The following BICD1 variants were observed in gnomAD, a reference collection of about 807,000 sequenced individuals.
BICD1 encodes protein bicaudal D homolog 1.
A neutral mutation model predicts 92.5 loss-of-function variants in BICD1; 35 were observed. That is an observed-to-expected ratio of 0.38 (90% CI 0.29 to 0.50). The LOEUF (loss-of-function observed/expected upper bound fraction) is 0.50. BICD1 is among the 20% of genes least tolerant of loss of function. BICD1 has a pLI of 0.93. For missense variants in BICD1, 950 were observed against 1,189.8 expected, an observed-to-expected ratio of 0.80 and a Z score of 2.97; for synonymous variants, 429 against 465.1, an observed-to-expected ratio of 0.92 and a Z score of 1.00.
intron 1 of BICD1, among the ~76,000 whole-genome samples, chr12:32,123,791 A>C (rs1716937): frequency 0.85 from 129,238 of 151,936 alleles, 55,196 homozygotes; most frequent in African/African-American, 0.93. Flanking sequence ...CCAGGAGAAT[A>C]GCTTGAACCT....
chr12:32,319,211 T>C (rs746072681), intron 4 of BICD1, among the ~76,000 whole-genome samples: 13 of 152,204 alleles, frequency 8.5e-5, no homozygotes, highest in Non-Finnish European at 1.6e-4. Context: ...GCCATCCTTG[T>C]TTTGCTCTGG....
chr12:32,201,829 G>A (rs908829741), intron 1 of BICD1, among the ~76,000 whole-genome samples: 2 of 150,500 alleles, frequency 1.3e-5, no homozygotes, highest in Admixed American at 6.6e-5. Flanking sequence ...AATTTATTTC[G>A]GGTTATAATA....
intron 8 of BICD1, among the ~76,000 whole-genome samples, chr12:32,343,926 A>G (rs982877439): frequency 2.0e-5 from 3 of 152,234 alleles, no homozygotes; most frequent in Admixed American, 6.5e-5. Context: ...TGTTTCACGT[A>G]TTGCAAAGCC....
At chr12:32,168,476 G>A (rs1414613951) in intron 1 of BICD1, among the ~76,000 whole-genome samples, 1 of 151,906 alleles carries the variant, frequency 6.6e-6, no homozygotes, top group Non-Finnish European at 1.5e-5. Flanking sequence ...AAAAGGATGG[G>A]AGGGTGGGGT....
At chr12:32,339,999 C>T (rs903611775) in intron 8 of BICD1, 3 of 870,736 alleles carry the variant, frequency 3.4e-6, no homozygotes, top group South Asian at 1.1e-4. Flanking sequence ...AGTCACCACT[C>T]CTCCTTATTA....
chr12:32,127,719 CG>C (rs1565533766), intron 1 of BICD1, among the ~76,000 whole-genome samples: 3 of 136,860 alleles, frequency 2.2e-5, no homozygotes. Flanking sequence ...CAAGTGTGAA[CG>C]AAGGCAGATC....
At chr12:32,244,225 A>G (rs2136088640) in intron 2 of BICD1, among the ~76,000 whole-genome samples, 1 of 152,322 alleles carries the variant, frequency 6.6e-6, no homozygotes, top group African/African-American at 2.4e-5. Context: ...CCTAGGCCTA[A>G]AACGTTCCAA....
intron 1 of BICD1, among the ~76,000 whole-genome samples, chr12:32,178,201 A>T (rs902170553): frequency 6.6e-6 from 1 of 151,936 alleles, no homozygotes; most frequent in Admixed American, 6.6e-5. Flanking sequence ...ATCCCTCAAG[A>T]TTCTATTTGT....
At chr12:32,126,061 A>T (rs571197814) in intron 1 of BICD1, among the ~76,000 whole-genome samples, 3 of 151,538 alleles carry the variant, frequency 2.0e-5, no homozygotes, top group South Asian at 2.1e-4. Flanking sequence ...AAAAAAAAAA[A>T]AAAAAAAAGC....
chr12:32,116,698 T>A (rs1428658515), intron 1 of BICD1, among the ~76,000 whole-genome samples: 1 of 131,486 alleles, frequency 7.6e-6, no homozygotes. Context: ...TTTTTTTTTT[T>A]AACCTGATTT....
In BICD1 at chr12:32,337,851, T is replaced by A. The variant is rs200543194; in HGVS notation, c.2570+35T>A. On this transcript the variant is annotated intron_variant, in intron 7 of 9. Coordinates refer to ENST00000652176, the MANE Select transcript of BICD1 (RefSeq NM_001714.4). The surrounding 1 kb of genome is among the most constrained non-coding windows in gnomAD (Gnocchi z 4.7). ...CAGCGATCTTCATAGTACGGTGCAG[T>A]GGCCAGATTTTAGTTAACTGCAAAA... is the stretch of plus-strand genomic sequence containing the variant. The A allele has an allele frequency of 8.4e-4, 1,333 of 1,592,900 alleles. No individual in the cohort carries two copies. The highest frequency in any genetic ancestry group is 1.1e-3 in the Non-Finnish European group (1,262 of 1,162,158).
At chr12:32,368,121 T>C (rs1393717653) in intron 9 of BICD1, 1 of 187,420 alleles carries the variant, frequency 5.3e-6, no homozygotes, top group Non-Finnish European at 1.1e-5. Flanking sequence ...TCCTGGGGAA[T>C]CTGAGGGATA....
chr12:32,294,258 T>C, intron 3 of BICD1, 112 bp downstream of exon 3: 1 of 1,102,502 alleles, frequency 9.1e-7, no homozygotes, highest in Non-Finnish European at 1.3e-6. Flanking sequence ...ATCTTCTCTC[T>C]ATAACATTTA....
chr12:32,234,378 A>G (rs1302950166), intron 2 of BICD1, among the ~76,000 whole-genome samples: 1 of 151,992 alleles, frequency 6.6e-6, no homozygotes, highest in Non-Finnish European at 1.5e-5. Flanking sequence ...CGGGCAGATC[A>G]CCGGAGGTCG....
chr12:32,215,172 T>A (rs1945316526), intron 1 of BICD1, among the ~76,000 whole-genome samples: 1 of 151,854 alleles, frequency 6.6e-6, no homozygotes, highest in African/African-American at 2.4e-5. Flanking sequence ...GAGGTTGCAG[T>A]GAGCCGAGAT....
intron 3 of BICD1, among the ~76,000 whole-genome samples, chr12:32,295,066 A>G (rs1947828511): frequency 1.5e-5 from 2 of 132,148 alleles, no homozygotes; most frequent in African/African-American, 3.0e-5. Context: ...TGGGTGACAG[A>G]GTGAGATTCC....
chr12:32,338,870 T>G lies in BICD1; in HGVS notation c.2655T>G (p.Pro885=), dbSNP rs746466376. 13 of 1,607,954 alleles carry G rather than the reference T, an allele frequency of 8.1e-6. No homozygotes were observed. In the South Asian group the frequency reaches 1.4e-4, roughly 18 times the overall value. Residue 885 remains proline (P), a synonymous_variant, in exon 8 of 10, where the codon CCT becomes CCG. Coordinates refer to ENST00000652176, the MANE Select transcript of BICD1 (RefSeq NM_001714.4). ...SYLQNLLRVP[P]DPTSTESFLL... ...TACAGAATTTATTAAGAGTTCCCCC[T>G]GATCCCACCTCCACAGAATCATTTC... is the stretch of plus-strand genomic sequence containing the variant.
intron 1 of BICD1, among the ~76,000 whole-genome samples, chr12:32,197,778 G>T (rs1944767286): frequency 3.9e-5 from 6 of 152,200 alleles, no homozygotes; most frequent in Admixed American, 3.9e-4. Context: ...GTTTCACCCA[G>T]CAAGAGTTAG....
intron 4 of BICD1, 99 bp from the exon 5 acceptor site, chr12:32,327,362 G>A (rs1592678902): frequency 1.5e-6 from 2 of 1,370,112 alleles, no homozygotes; most frequent in East Asian, 4.7e-5. Context: ...TGGCTCTGCT[G>A]CAGTGATTTT....
Sources: allele counts gnomAD v4.1 joint callset (sites outside exome capture counted in the v4.1 genomes callset), GRCh38; gene constraint gnomAD v4.1.1; non-coding constraint Gnocchi (gnomAD v3.1); transcripts MANE v1.5; gene names NCBI Gene and HGNC (gene_info 2026-07-23, HGNC 2026-07-21).